The following TMEM175 variants were observed in gnomAD, a reference collection of about 807,000 sequenced individuals.
TMEM175 encodes the protein transmembrane protein 175.
In TMEM175, 36 loss-of-function variants were observed where a neutral mutation model predicts 36.5. The ratio of observed to expected loss-of-function variants is 0.99; its 90% CI spans 0.76 to 1.30. The LOEUF (loss-of-function observed/expected upper bound fraction) is 1.30. TMEM175 is among the 50% of genes most tolerant of loss of function. The probability of loss-of-function intolerance (pLI) is 0.00; values close to 1 mark genes in which losing one functional copy is unlikely to be tolerated. For synonymous variants in TMEM175, 339 were observed against 313.4 expected (o/e 1.08, Z -0.86); for missense variants, 705 against 692.8 (o/e 1.02, Z -0.20).
rs1054075307 is a variant in TMEM175 at position 955,655 on chromosome 4, A to G, written c.707-100A>G. 16 of 1,529,392 alleles carry G rather than the reference A, an allele frequency of 1.0e-5. No individual in the cohort carries two copies. In the African/African-American group the frequency reaches 1.4e-4, roughly 13 times the overall value. 94.7% of individuals were successfully genotyped at this position (1,529,392 alleles called of 1,614,324 possible). ...TGTCCTGTCTCCTCTCCTGGCCTGC[A>G]CATTCCAGGCCTCTTCATGGATGAG... On this transcript the variant is annotated intron_variant, in intron 9 of 10. Transcript: ENST00000264771.
In TMEM175 at chr4:956,087, C is replaced by T. The variant is rs570025784; in HGVS notation, c.842+197C>T. On this transcript the variant is annotated intron_variant, in intron 10 of 10. Coordinates refer to ENST00000264771, the MANE Select transcript of TMEM175 (RefSeq NM_032326.4). ...TTCCCGGCGGCCCCTCCCTTCCCAG[C>T]GGCCCCTCCCTTCCCAGCGGCTCCC... The T allele has an allele frequency of 2.2e-4, 170 of 790,362 alleles. 3 individuals are homozygous for T. In the South Asian group the frequency reaches 2.4e-3, roughly 11 times the overall value. 49.0% of individuals were successfully genotyped at this position (790,362 alleles called of 1,614,324 possible).
Position 955,861 on chromosome 4 carries a change from C to T in TMEM175, c.813C>T (p.Ile271=), listed in dbSNP as rs146908618. ...VEAFSDGVYA[I]VATLLILDIC... ...CCTTCAGCGACGGAGTCTACGCCAT[C>T]GTGGCCACGCTTCTCATCCTGGACA... Residue 271 remains isoleucine, a synonymous_variant, in exon 10 of 11, where the codon ATC becomes ATT. Coordinates refer to ENST00000264771, the MANE Select transcript of TMEM175 (RefSeq NM_032326.4). 7.2e-5 allele frequency: 116 copies of T among 1,613,948 alleles called. 1 individual carries two copies. In the African/African-American group the frequency reaches 1.2e-3, roughly 17 times the overall value.
chr4:953,434 A>C, intron 8 of TMEM175, 80 bp downstream of exon 8: 2 of 1,477,804 alleles, frequency 1.4e-6, no homozygotes, highest in Non-Finnish European at 1.8e-6. Flanking sequence ...AGCAACAAAC[A>C]CGGGGGTGGG....
At chr4:936,270 G>A (rs1178886768) in intron 1 of TMEM175, among the ~76,000 whole-genome samples, 4 of 151,648 alleles carry the variant, frequency 2.6e-5, no homozygotes, top group African/African-American at 4.9e-5. Flanking sequence ...GCTTGAACCC[G>A]GGAGGTGGAG....
intron 3 of TMEM175, chr4:948,562 G>C (rs1438979191): frequency 1.5e-6 from 2 of 1,332,370 alleles, no homozygotes; most frequent in South Asian, 1.2e-5. Flanking sequence ...AACGCGGCCA[G>C]CGCCCCGTCT....
At chr4:941,060 G>A (rs1727410018) in intron 1 of TMEM175, among the ~76,000 whole-genome samples, 1 of 142,600 alleles carries the variant, frequency 7.0e-6, no homozygotes, top group Admixed American at 7.0e-5. Context: ...GGGAGAAAGG[G>A]GAAAGGGGGA....
intron 3 of TMEM175, among the ~76,000 whole-genome samples, 179 bp from the exon 4 acceptor site, chr4:950,242 A>G (rs1004121330): frequency 1.3e-5 from 2 of 152,024 alleles, no homozygotes; most frequent in African/African-American, 4.8e-5. Flanking sequence ...CTGGACCCAG[A>G]CCAGGGCACT....
chr4:951,349 G>T, intron 5 of TMEM175, 91 bp downstream of exon 5: 1 of 1,429,406 alleles, frequency 7.0e-7, no homozygotes, highest in Non-Finnish European at 9.9e-7. Flanking sequence ...GGCCTCTCTC[G>T]TGACCTCCAG....
At chr4:948,539 G>A in intron 3 of TMEM175, 7 of 1,363,482 alleles carry the variant, frequency 5.1e-6, no homozygotes, top group Non-Finnish European at 6.7e-6. Context: ...CCCTTACGTA[G>A]CTGCTCTGAG....
chr4:957,761 C>T (rs1729898256), intron 10 of TMEM175, 63 bp from the exon 11 acceptor site: 2 of 1,510,666 alleles, frequency 1.3e-6, no homozygotes, highest in Non-Finnish European at 1.8e-6. Context: ...CGCTCAGCCA[C>T]CCTGCTGGGG....
At chr4:947,485 C>A (rs530828022) in intron 1 of TMEM175, among the ~76,000 whole-genome samples, 53 of 152,332 alleles carry the variant, frequency 3.5e-4, no homozygotes, top group African/African-American at 1.2e-3. Flanking sequence ...TCAGTGTTCA[C>A]CAGTAACAGG....
chr4:947,479 T>C lies in TMEM175; in HGVS notation c.-31-230T>C, dbSNP rs563444268. 2.6e-5 allele frequency among the ~76,000 whole-genome samples: 4 copies of C among 152,276 alleles called. No homozygotes were observed. In the South Asian group the frequency reaches 8.3e-4, roughly 32 times the overall value. ...CTGAGGCCCAGTCCACCCAGATCAG[T>C]GTTCACCAGTAACAGGGCCGGGAGT... On this transcript the variant is annotated intron_variant, in intron 1 of 10. Transcript: ENST00000264771.
intron 6 of TMEM175, 102 bp from the exon 7 acceptor site, chr4:952,265 A>G (rs1728983490): frequency 9.6e-7 from 1 of 1,038,108 alleles, no homozygotes. Context: ...CGCATCTCCC[A>G]GCGTCCCGTG....
intron 7 of TMEM175, 130 bp from the exon 8 acceptor site, chr4:953,060 T>C (rs1729151289): frequency 3.1e-6 from 3 of 956,028 alleles, no homozygotes; most frequent in Non-Finnish European, 4.5e-6. Context: ...GCGCGTGCCA[T>C]GCAGCCCGGG....
chr4:935,402 T>TC (rs1726677543), intron 1 of TMEM175, among the ~76,000 whole-genome samples: 1 of 152,188 alleles, frequency 6.6e-6, no homozygotes, highest in South Asian at 2.1e-4. Context: ...TTCCTAAATT[T>TC]CATAGCAAAG....
chr4:953,999 C>CTT (rs529343345), intron 8 of TMEM175, among the ~76,000 whole-genome samples: 1 of 149,408 alleles, frequency 6.7e-6, no homozygotes, highest in Non-Finnish European at 1.5e-5. Flanking sequence ...TTCTTTTTTT[C>CTT]TTTTTTTTTT....
chr4:936,469 T>C (rs2152996143), intron 1 of TMEM175, among the ~76,000 whole-genome samples: 1 of 152,122 alleles, frequency 6.6e-6, no homozygotes, highest in Middle Eastern at 3.4e-3. Flanking sequence ...ATTAATAAAA[T>C]TGAAAAATCT....
In TMEM175 at chr4:955,608, C is replaced by G. The variant is rs530583440; in HGVS notation, c.706+125C>G. 3.5e-5 allele frequency: 50 copies of G among 1,436,278 alleles called. No homozygotes were observed. The South Asian group carries it at 3.9e-4, about 11-fold the overall frequency. 89.0% of individuals were successfully genotyped at this position (1,436,278 alleles called of 1,614,324 possible). The stretch of plus-strand genomic sequence containing the variant: ...TGCGTGGTGGTGGCTGGGGCTCCCC[C>G]ACTCCGCCCCTCGGGCGTCCCTGTC... On this transcript the variant is annotated intron_variant, in intron 9 of 10. Transcript: ENST00000264771.
At chr4:942,099 G>GC (rs1727591235) in intron 1 of TMEM175, among the ~76,000 whole-genome samples, 1 of 143,586 alleles carries the variant, frequency 7.0e-6, no homozygotes. Flanking sequence ...TCTCTCTATT[G>GC]CTAGGCTGGA....
Sources: allele counts gnomAD v4.1 joint callset (sites outside exome capture counted in the v4.1 genomes callset), GRCh38; gene constraint gnomAD v4.1.1; transcripts MANE v1.5; gene names NCBI Gene and HGNC (gene_info 2026-07-23, HGNC 2026-07-21).